Variants in DNAJC1 observed in about 807,000 individuals in gnomAD.
The protein encoded by DNAJC1 is dnaJ homolog subfamily C member 1.
A neutral mutation model predicts 76.6 loss-of-function variants in DNAJC1; 58 were observed. That is an observed-to-expected ratio of 0.76 (90% CI 0.61 to 0.94). DNAJC1 has a LOEUF of 0.94. Among genes scored for constraint, DNAJC1 ranks in the 40% least tolerant of loss-of-function variants. The pLI is 0.00. For synonymous variants in DNAJC1, 258 were observed against 267.9 expected (o/e 0.96, Z 0.36); for missense variants, 689 against 677.3 (o/e 1.02, Z -0.19).
At chr10:21,842,267 C>A (rs1404502522) in intron 8 of DNAJC1, among the ~76,000 whole-genome samples, 1 of 149,482 alleles carries the variant, frequency 6.7e-6, no homozygotes, top group Non-Finnish European at 1.5e-5. Flanking sequence ...AAAAAAAAAA[C>A]CTCATGTGAG....
At chr10:21,790,967 T>C (rs934983957) in intron 9 of DNAJC1, among the ~76,000 whole-genome samples, 3 of 152,162 alleles carry the variant, frequency 2.0e-5, no homozygotes, top group Admixed American at 6.5e-5. Context: ...AACTATACTA[T>C]ATGCTACGTA....
chr10:21,932,697 G>A (rs1464289352), intron 1 of DNAJC1, among the ~76,000 whole-genome samples: 1 of 152,212 alleles, frequency 6.6e-6, no homozygotes, highest in East Asian at 1.9e-4. Flanking sequence ...CTTAAACTGT[G>A]TAAAGGGCTT....
At chr10:21,967,030 T>TA (rs1590071471) in intron 1 of DNAJC1, among the ~76,000 whole-genome samples, 1 of 149,618 alleles carries the variant, frequency 6.7e-6, no homozygotes, top group African/African-American at 2.5e-5. Flanking sequence ...TTTTTTTTTT[T>TA]ACAGTATCTC....
chr10:21,784,246 G>C (rs935626815), intron 9 of DNAJC1, among the ~76,000 whole-genome samples: 2 of 152,178 alleles, frequency 1.3e-5, no homozygotes, highest in African/African-American at 4.8e-5. Context: ...CGAAGGATAT[G>C]AACAGACACT....
At chr10:21,989,401 T>C (rs1378873942) in intron 1 of DNAJC1, among the ~76,000 whole-genome samples, 2 of 152,120 alleles carry the variant, frequency 1.3e-5, no homozygotes, top group African/African-American at 2.4e-5. Flanking sequence ...AGCATCTCTG[T>C]AGACAAAAAC....
chr10:21,963,335 G>C (rs1277772223), intron 1 of DNAJC1, among the ~76,000 whole-genome samples: 1 of 152,138 alleles, frequency 6.6e-6, no homozygotes, highest in African/African-American at 2.4e-5. Flanking sequence ...ACACCTACTT[G>C]AGATAACTGA....
intron 6 of DNAJC1, among the ~76,000 whole-genome samples, chr10:21,906,200 T>C (rs1157682603): frequency 3.3e-5 from 5 of 152,234 alleles, no homozygotes; most frequent in Middle Eastern, 3.4e-3. Context: ...CTCATTTCTA[T>C]GAGGATTCAC....
chr10:21,928,859 A>C (rs560936192), intron 2 of DNAJC1, among the ~76,000 whole-genome samples, 181 bp downstream of exon 2: 25 of 152,210 alleles, frequency 1.6e-4, no homozygotes, highest in Non-Finnish European at 2.5e-4. Context: ...AAGAATTTAG[A>C]GATGCTAATA....
At chr10:21,971,390 A>G (rs1183578162) in intron 1 of DNAJC1, among the ~76,000 whole-genome samples, 2 of 151,844 alleles carry the variant, frequency 1.3e-5, no homozygotes, top group Non-Finnish European at 3.0e-5. Flanking sequence ...AATCATTACA[A>G]AGAGACATAT....
chr10:21,807,380 G>T (rs1016670104), intron 8 of DNAJC1, among the ~76,000 whole-genome samples: 2 of 152,042 alleles, frequency 1.3e-5, no homozygotes, highest in Admixed American at 1.3e-4. Flanking sequence ...ACTGACATCC[G>T]CCTGCCTCAC....
intron 8 of DNAJC1, among the ~76,000 whole-genome samples, chr10:21,838,140 GA>G: frequency 6.6e-6 from 1 of 152,214 alleles, no homozygotes; most frequent in Admixed American, 6.5e-5. Context: ...ACAGCTCATT[GA>G]GAACGGGCCA....
chr10:21,908,512 A>C (rs2131750878), intron 6 of DNAJC1, among the ~76,000 whole-genome samples: 1 of 145,530 alleles, frequency 6.9e-6, no homozygotes, highest in African/African-American at 2.6e-5. Flanking sequence ...AATTCAAGTG[A>C]ATAAAATTAT....
chr10:21,906,899 C>T (rs1808287496), intron 6 of DNAJC1, among the ~76,000 whole-genome samples: 1 of 152,114 alleles, frequency 6.6e-6, no homozygotes, highest in Non-Finnish European at 1.5e-5. Context: ...ATTACTTCTA[C>T]CAATTTGACA....
At chr10:21,771,502 C>A (rs1834376800) in intron 9 of DNAJC1, among the ~76,000 whole-genome samples, 1 of 150,864 alleles carries the variant, frequency 6.6e-6, no homozygotes, top group Non-Finnish European at 1.5e-5. Context: ...TTTTGTCAAA[C>A]ACTTTTTTTT....
Position 21,756,607 on chromosome 10 carries a change from G to A in DNAJC1, c.*80C>T. On this transcript the variant is annotated 3_prime_UTR_variant, in exon 12 of 12. Coordinates refer to ENST00000376980, the MANE Select transcript of DNAJC1 (RefSeq NM_022365.4). Reference sequence around the variant, plus strand: ...AGGCACATGACGTAGAAATATTGAGGTACAAAATGCAAATTTCTGCATAAG... The same window carrying A: ...AGGCACATGACGTAGAAATATTGAGATACAAAATGCAAATTTCTGCATAAG... 1 of 1,039,668 alleles carries A rather than the reference G, an allele frequency of 9.6e-7. No homozygotes were observed. Among genetic ancestry groups the A allele is most frequent in the Admixed American group, 1.8e-5 (1 of 56,468 alleles). 64.4% of individuals were successfully genotyped at this position (1,039,668 alleles called of 1,614,324 possible).
chr10:21,946,332 T>C (rs998750212), intron 1 of DNAJC1, among the ~76,000 whole-genome samples: 1 of 152,012 alleles, frequency 6.6e-6, no homozygotes, highest in African/African-American at 2.4e-5. Context: ...TATTTTATAA[T>C]CTCTACACAT....
intron 1 of DNAJC1, among the ~76,000 whole-genome samples, chr10:21,958,830 C>T (rs771010662): frequency 5.2e-4 from 79 of 151,648 alleles, no homozygotes; most frequent in Non-Finnish European, 7.7e-4. Context: ...ATTTTTTTTG[C>T]AGAAAAATTT....
At chr10:21,902,399 G>C (rs1184906846) in intron 7 of DNAJC1, among the ~76,000 whole-genome samples, 1 of 152,080 alleles carries the variant, frequency 6.6e-6, no homozygotes, top group Non-Finnish European at 1.5e-5. Context: ...CTGCCTCCCG[G>C]GTTCAGGCGA....
chr10:21,883,999 G>C (rs1047002815), intron 7 of DNAJC1, among the ~76,000 whole-genome samples: 2 of 152,126 alleles, frequency 1.3e-5, no homozygotes, highest in African/African-American at 4.8e-5. Flanking sequence ...AGATAGAGAA[G>C]AGAGTTGACT....
Sources: gnomAD v4.1 joint callset for allele counts (sites outside exome capture counted in the v4.1 genomes callset) on GRCh38, gnomAD v4.1.1 for gene constraint, MANE v1.5 for transcripts, NCBI Gene and HGNC (gene_info 2026-07-23, HGNC 2026-07-21) for gene names.